TSPAN31: variants seen among roughly 807,000 people sequenced by gnomAD.
TSPAN31 encodes the protein tetraspanin-31.
TSPAN31 carries 16 observed loss-of-function variants against 24.8 expected under a neutral mutation model. That is an observed-to-expected ratio of 0.64 (90% CI 0.44 to 0.98). TSPAN31 has a LOEUF of 0.98. Ranked by LOEUF, TSPAN31 falls within the 50% of genes least tolerant of loss-of-function variation. The pLI is 0.00. For synonymous variants in TSPAN31, 87 were observed against 91.4 expected, an observed-to-expected ratio of 0.95 and a Z score of 0.27; for missense variants, 209 against 251.6, an observed-to-expected ratio of 0.83 and a Z score of 1.15.
Position 57,746,198 on chromosome 12 carries a change from T to C in TSPAN31, c.254T>C (p.Val85Ala). 6.2e-7 allele frequency: 1 copy of C among 1,614,174 alleles called. No individual in the cohort carries two copies. The highest frequency in any genetic ancestry group is 2.2e-5 in the East Asian group (1 of 44,888). ...CAGTACATGATCATCCTTGGTTTGG[T>C]CTTCATCTTCCAATTTGTAATCTCT... ...LFFYMIILGL[V>A]FIFQFVISCS... The change falls in exon 3 of 6, where the codon GTC becomes GCC. Residue 85 changes from valine (V) to alanine (A), a missense_variant. Transcript: ENST00000257910.
Position 57,745,166 on chromosome 12 carries a change from C to T in TSPAN31, c.12C>T (p.Gly4=). The T allele has an allele frequency of 1.9e-6, 3 of 1,603,194 alleles. No homozygotes were observed. The highest frequency in any genetic ancestry group is 2.6e-6 in the Non-Finnish European group (3 of 1,175,046). Residue 4 remains glycine, a synonymous_variant, in exon 1 of 6, where the codon GGC becomes GGT. Transcript: ENST00000257910. ...CCAGAGCTGGGGAGATGGTTTGTGG[C>T]GGCTTTGCCTGCTCCAAGAATGCGC... MVC[G]GFACSKNALC...
At position 57,749,719 on chromosome 12, in the gene TSPAN31, C is replaced by T. The variant is rs73338241; in HGVS notation, c.*2429C>T. 685 of 602,672 alleles carry T rather than the reference C, an allele frequency of 1.1e-3. 3 individuals are homozygous for T. The highest frequency in any genetic ancestry group is 0.011 in the African/African-American group (607 of 53,986). 37.3% of individuals were successfully genotyped at this position (602,672 alleles called of 1,614,324 possible). ...CTCTTTTTTTAAAAAAAAAGAAATG[C>T]CAGGTGCAGCGGCTCACGCCTGTAA... is the stretch of plus-strand genomic sequence containing the variant. On this transcript the variant is annotated 3_prime_UTR_variant, in exon 6 of 6. Coordinates refer to ENST00000257910, the MANE Select transcript of TSPAN31 (RefSeq NM_005981.5).
In TSPAN31 at chr12:57,747,525, G is replaced by A. The variant is rs867249583; in HGVS notation, c.*235G>A. The stretch of plus-strand genomic sequence containing the variant: ...CTCTCTCTCCAAGAGGATATGGGAA[G>A]CTTCTGTGAGTGCATAGGATGGGGG... On this transcript the variant is annotated 3_prime_UTR_variant, in exon 6 of 6. Coordinates refer to ENST00000257910, the MANE Select transcript of TSPAN31 (RefSeq NM_005981.5). 8.9e-5 allele frequency: 42 copies of A among 471,574 alleles called. No homozygotes were observed. Among genetic ancestry groups the A allele is most frequent in the African/African-American group, 5.2e-4 (27 of 51,432 alleles). The allele number at this position is 471,574 out of a possible 1,614,324, so 29.2% of individuals were successfully genotyped here.
Position 57,748,515 on chromosome 12 carries a change from A to T in TSPAN31, c.*1225A>T, listed in dbSNP as rs2140380904. Reference sequence around the variant, plus strand: ...AGCTTTTCTTCCTTCCATGGCAGCCACTCCATTGCTCACTCCGGATTACCT... The same window carrying T: ...AGCTTTTCTTCCTTCCATGGCAGCCTCTCCATTGCTCACTCCGGATTACCT... On this transcript the variant is annotated 3_prime_UTR_variant, in exon 6 of 6. Transcript: ENST00000257910. 1 of 1,596,366 alleles carries T rather than the reference A, an allele frequency of 6.3e-7. No homozygotes were observed. Among genetic ancestry groups the T allele is most frequent in the Non-Finnish European group, 8.6e-7 (1 of 1,164,102 alleles).
rs2140381488 is a variant in TSPAN31, at chr12:57,748,671, C to A, written c.*1381C>A. The A allele has an allele frequency of 8.3e-7, 1 of 1,197,752 alleles. No homozygotes were observed. Among genetic ancestry groups the A allele is most frequent in the Non-Finnish European group, 1.2e-6 (1 of 801,000 alleles). The allele number at this position is 1,197,752 out of a possible 1,614,324, so 74.2% of individuals were successfully genotyped here. A position where few individuals can be genotyped will look rare whatever the true frequency, so the allele number is the denominator to read the frequency against. On this transcript the variant is annotated 3_prime_UTR_variant, in exon 6 of 6. Coordinates refer to ENST00000257910, the MANE Select transcript of TSPAN31 (RefSeq NM_005981.5). ...CATGAAGAAAACAGACTTCTGCCCA[C>A]CCACAACAATACCTGGGATGAGCTT...
chr12:57,749,840 T>C lies in TSPAN31; in HGVS notation c.*2550T>C. 2.7e-6 allele frequency: 1 copy of C among 370,038 alleles called. No homozygotes were observed. The highest frequency in any genetic ancestry group is 5.1e-6 in the Non-Finnish European group (1 of 194,758). 22.9% of individuals were successfully genotyped at this position (370,038 alleles called of 1,614,324 possible). A position where few individuals can be genotyped will look rare whatever the true frequency, so the allele number is the denominator to read the frequency against. The stretch of plus-strand genomic sequence containing the variant: ...GGTGAAACCCTGTCATTACTAAAAG[T>C]ACAAAAATTAGCTGAGCATGGTGGC... On this transcript the variant is annotated 3_prime_UTR_variant, in exon 6 of 6. Coordinates refer to ENST00000257910, the MANE Select transcript of TSPAN31 (RefSeq NM_005981.5).
chr12:57,747,988 C>T lies in TSPAN31; in HGVS notation c.*698C>T, dbSNP rs1447145497. 1.9e-5 allele frequency: 4 copies of T among 215,630 alleles called. No homozygotes were observed. Among genetic ancestry groups the T allele is most frequent in the East Asian group, 7.5e-5 (1 of 13,390 alleles). The allele number at this position is 215,630 out of a possible 1,614,324, so 13.4% of individuals were successfully genotyped here. A position where few individuals can be genotyped will look rare whatever the true frequency, so the allele number is the denominator to read the frequency against. The stretch of plus-strand genomic sequence containing the variant: ...AACTCCTGACCTCAGGTGATCCACC[C>T]GCGTTGGCCTCCCAACGTGCTGGGA... On this transcript the variant is annotated 3_prime_UTR_variant, in exon 6 of 6. Transcript: ENST00000257910.
chr12:57,745,744 G>A lies in TSPAN31; in HGVS notation c.64-1G>A. On this transcript the variant is annotated splice_acceptor_variant, in intron 1 of 5. Coordinates refer to ENST00000257910, the MANE Select transcript of TSPAN31 (RefSeq NM_005981.5). LOFTEE classifies it high-confidence loss of function. ...AGATGTATCCTGCTCTTTCTTCGTA[G>A]CTGGTGAGCTTGTTGCTCATTGGAG... The A allele has an allele frequency of 1.2e-6, 2 of 1,614,036 alleles. No homozygotes were observed. Among genetic ancestry groups the A allele is most frequent in the South Asian group, 2.2e-5 (2 of 91,078 alleles).
chr12:57,748,700 TC>T lies in TSPAN31; in HGVS notation c.*1411del. ...CAACAATACCTGGGATGAGCTTTCT[TC>T]TTTTTTCTTTTTTTTTTTTTTTGAG... On this transcript the variant is annotated 3_prime_UTR_variant, in exon 6 of 6. Transcript: ENST00000257910. The T allele has an allele frequency of 1.1e-6, 1 of 910,960 alleles. No individual in the cohort carries two copies. Among genetic ancestry groups the T allele is most frequent in the Non-Finnish European group, 1.8e-6 (1 of 562,364 alleles). The allele number at this position is 910,960 out of a possible 1,614,324, so 56.4% of individuals were successfully genotyped here. A position where few individuals can be genotyped will look rare whatever the true frequency, so the allele number is the denominator to read the frequency against.
At chr12:57,745,312 T>C in intron 1 of TSPAN31, 95 bp downstream of exon 1, 1 of 1,343,050 alleles carries the variant, frequency 7.4e-7, no homozygotes, top group South Asian at 1.3e-5. Context: ...TGTATGGGGG[T>C]TCCGGGAAGA....
chr12:57,749,446 T>A lies in TSPAN31; in HGVS notation c.*2156T>A, dbSNP rs1446831422. 1.2e-6 allele frequency: 2 copies of A among 1,614,148 alleles called. No individual in the cohort carries two copies. Among genetic ancestry groups the A allele is most frequent in the Non-Finnish European group, 1.7e-6 (2 of 1,179,962 alleles). On this transcript the variant is annotated 3_prime_UTR_variant, in exon 6 of 6. Transcript: ENST00000257910. ...AGAAAATCTTTTTCTCCCATGTTGG[T>A]CACTTACTCAAAGATTTTGCCCAAC... is the stretch of plus-strand genomic sequence containing the variant.
intron 2 of TSPAN31, 73 bp from the exon 3 acceptor site, chr12:57,746,103 G>T: frequency 6.7e-7 from 1 of 1,484,190 alleles, no homozygotes; most frequent in African/African-American, 1.4e-5. Flanking sequence ...TCTATGAACA[G>T]ATGAGACCAG....
In TSPAN31 at chr12:57,748,276, G is replaced by T; in HGVS notation, c.*986G>T. 1 of 428,772 alleles carries T rather than the reference G, an allele frequency of 2.3e-6. No individual in the cohort carries two copies. The highest frequency in any genetic ancestry group is 2.0e-5 in the African/African-American group (1 of 50,620). 26.6% of individuals were successfully genotyped at this position (428,772 alleles called of 1,614,324 possible). A position where few individuals can be genotyped will look rare whatever the true frequency, so the allele number is the denominator to read the frequency against. On this transcript the variant is annotated 3_prime_UTR_variant, in exon 6 of 6. Coordinates refer to ENST00000257910, the MANE Select transcript of TSPAN31 (RefSeq NM_005981.5). ...GTTTTGTTTTTCCTGTATAAAAAAGGACCCCAAATATAAAGGTAGGGAAAG... is the reference window on the plus strand; with the variant it reads ...GTTTTGTTTTTCCTGTATAAAAAAGTACCCCAAATATAAAGGTAGGGAAAG...
chr12:57,745,263 T>G (rs1262535450), intron 1 of TSPAN31, 46 bp downstream of exon 1: 2 of 1,586,248 alleles, frequency 1.3e-6, no homozygotes, highest in Non-Finnish European at 1.7e-6. Flanking sequence ...AAAGGCCCCG[T>G]GGGGAGAATC....
Position 57,748,212 on chromosome 12 carries a change from A to C in TSPAN31, c.*922A>C. 2.6e-6 allele frequency: 1 copy of C among 386,460 alleles called. No individual in the cohort carries two copies. Among genetic ancestry groups the C allele is most frequent in the Non-Finnish European group, 4.8e-6 (1 of 208,954 alleles). 23.9% of individuals were successfully genotyped at this position (386,460 alleles called of 1,614,324 possible). A position where few individuals can be genotyped will look rare whatever the true frequency, so the allele number is the denominator to read the frequency against. Reference sequence around the variant, plus strand: ...GCACAATGGCAAAGCCAAACAGAGGAAGAAACATTAAAAAAAAAAAAAAGA... The same window carrying C: ...GCACAATGGCAAAGCCAAACAGAGGCAGAAACATTAAAAAAAAAAAAAAGA... On this transcript the variant is annotated 3_prime_UTR_variant, in exon 6 of 6. Transcript: ENST00000257910.
rs2069503 is a variant in TSPAN31 at position 57,750,196 on chromosome 12, T to TA, written c.*2912dup. 1 of 118,714 alleles carries TA rather than the reference T, an allele frequency of 8.4e-6. No individual in the cohort carries two copies. The highest frequency in any genetic ancestry group is 3.0e-5 in the African/African-American group (1 of 33,306). 7.4% of individuals were successfully genotyped at this position (118,714 alleles called of 1,614,324 possible). ...ATAAATAAATAAATAAATAAATAAA[T>TA]AAAAAATAAAGAGAATAAAGGGATA... On this transcript the variant is annotated 3_prime_UTR_variant, in exon 6 of 6. Transcript: ENST00000257910.
chr12:57,746,163 C>T lies in TSPAN31; in HGVS notation c.232-13C>T, dbSNP rs1406959338. 1 of 1,611,510 alleles carries T rather than the reference C, an allele frequency of 6.2e-7. No homozygotes were observed. Among genetic ancestry groups the T allele is most frequent in the African/African-American group, 1.3e-5 (1 of 74,856 alleles). ...AGGAATCTAGGACTTTTTTCCATAACCTTTCCTCTCAGTACATGATCATCC... is the reference window on the plus strand; with the variant it reads ...AGGAATCTAGGACTTTTTTCCATAATCTTTCCTCTCAGTACATGATCATCC... On this transcript the variant is annotated splice_polypyrimidine_tract_variant and intron_variant, in intron 2 of 5. Transcript: ENST00000257910.
intron 1 of TSPAN31, 54 bp from the exon 2 acceptor site, chr12:57,745,691 T>G: frequency 6.2e-7 from 1 of 1,608,946 alleles, no homozygotes. Context: ...TGTATGGCCT[T>G]GGGCTGTGCC....
chr12:57,746,990 C>T (rs1374478076), intron 4 of TSPAN31, 28 bp from the exon 5 acceptor site: 25 of 1,592,662 alleles, frequency 1.6e-5, no homozygotes, highest in Non-Finnish European at 2.1e-5. Flanking sequence ...ACATTCACAA[C>T]TTTGCATTCT....
Sources: allele counts gnomAD v4.1 joint callset, GRCh38; gene constraint gnomAD v4.1.1; transcripts MANE v1.5; gene names NCBI Gene and HGNC (gene_info 2026-07-23, HGNC 2026-07-21).